SNX9: variants seen among roughly 807,000 people sequenced by gnomAD.
The protein encoded by SNX9 is sorting nexin-9.
In SNX9, 44 loss-of-function variants were observed where a neutral mutation model predicts 89.4. That is an observed-to-expected ratio of 0.49 (90% CI 0.39 to 0.63). The LOEUF (loss-of-function observed/expected upper bound fraction) is 0.63. Ranked by LOEUF, SNX9 falls within the 30% of genes least tolerant of loss-of-function variation. The pLI is 0.00. For missense variants in SNX9, 578 were observed against 736.1 expected, an observed-to-expected ratio of 0.79 and a Z score of 2.49; for synonymous variants, 236 against 247.8, an observed-to-expected ratio of 0.95 and a Z score of 0.45.
chr6:157,841,015 T>G (rs992291888), intron 1 of SNX9, among the ~76,000 whole-genome samples: 2 of 152,180 alleles, frequency 1.3e-5, no homozygotes, highest in Non-Finnish European at 1.5e-5. Flanking sequence ...TCTCTTCCGA[T>G]GAGGGTCACT....
intron 1 of SNX9, among the ~76,000 whole-genome samples, chr6:157,846,300 A>T (rs893440187): frequency 6.6e-6 from 1 of 152,242 alleles, no homozygotes; most frequent in African/African-American, 2.4e-5. Context: ...CCATATCCTT[A>T]AGCCTACATT....
intron 4 of SNX9, among the ~76,000 whole-genome samples, chr6:157,878,165 T>C (rs538198189): frequency 6.6e-6 from 1 of 152,220 alleles, no homozygotes; most frequent in African/African-American, 2.4e-5. Context: ...GTTGCTGGTG[T>C]CAAGGCAGTG....
chr6:157,866,828 GTCTC>G (rs1318148480), intron 1 of SNX9, among the ~76,000 whole-genome samples: 1 of 152,206 alleles, frequency 6.6e-6, no homozygotes, highest in Non-Finnish European at 1.5e-5. Context: ...GTGTGTGTAT[GTCTC>G]TGTCTTCAGT....
In SNX9 at chr6:157,843,332, A is replaced by G. The variant is rs1003926584; in HGVS notation, c.12+19886A>G. On this transcript the variant is annotated intron_variant, in intron 1 of 17. Coordinates refer to ENST00000392185, the MANE Select transcript of SNX9 (RefSeq NM_016224.5). The stretch of plus-strand genomic sequence containing the variant: ...TCGACTCCCCCAAAACTTAACTACT[A>G]ATAGCCTGCTGTTGACTGGAAGCCT... 3.3e-5 allele frequency among the ~76,000 whole-genome samples: 5 copies of G among 152,190 alleles called. No homozygotes were observed. In the East Asian group the frequency reaches 9.6e-4, roughly 29 times the overall value.
At chr6:157,847,880 T>C (rs1781834622) in intron 1 of SNX9, among the ~76,000 whole-genome samples, 1 of 152,256 alleles carries the variant, frequency 6.6e-6, no homozygotes, top group African/African-American at 2.4e-5. Context: ...ACTCTCTTGG[T>C]AAATGTACCT....
At chr6:157,889,564 A>G (rs1782813372) in intron 4 of SNX9, among the ~76,000 whole-genome samples, 2 of 152,236 alleles carry the variant, frequency 1.3e-5, no homozygotes, top group Non-Finnish European at 2.9e-5. Flanking sequence ...ATTTGTGCTG[A>G]AAGTCCCAAG....
In SNX9 at chr6:157,942,796, A is replaced by T; in HGVS notation, c.1746A>T (p.Ala582=). The T allele has an allele frequency of 6.2e-7, 1 of 1,614,094 alleles. No homozygotes were observed. Among genetic ancestry groups the T allele is most frequent in the Non-Finnish European group, 8.5e-7 (1 of 1,179,972 alleles). ...TTGTTTTGCTTTCTTGTCAGATTGC[A>T]GAAAAGCTGAGGCAGGCCCTCAGCC... ...EQQVQFYETI[A]EKLRQALSRF... The change falls in exon 18 of 18, where the codon GCA becomes GCT. Residue 582 remains alanine (A), a synonymous_variant. Coordinates refer to ENST00000392185, the MANE Select transcript of SNX9 (RefSeq NM_016224.5).
In SNX9 at chr6:157,940,983, G is replaced by T. The variant is rs1271560001; in HGVS notation, c.1740+9G>T. 1 of 1,612,566 alleles carries T rather than the reference G, an allele frequency of 6.2e-7. No individual in the cohort carries two copies. Among genetic ancestry groups the T allele is most frequent in the Admixed American group, 1.7e-5 (1 of 60,004 alleles). On this transcript the variant is annotated intron_variant, in intron 17 of 17. Coordinates refer to ENST00000392185, the MANE Select transcript of SNX9 (RefSeq NM_016224.5). ...TGCAATTTTACGAAACGGTGAGTGG[G>T]CGTCCACGTGCCTTTCGCATGTGCT...
At chr6:157,937,351 A>G in intron 14 of SNX9, 83 bp from the exon 15 acceptor site, 1 of 933,152 alleles carries the variant, frequency 1.1e-6, no homozygotes, top group South Asian at 1.5e-5. Context: ...TGCAGGATTT[A>G]TAGTCTTTGG....
intron 1 of SNX9, among the ~76,000 whole-genome samples, chr6:157,827,721 TTAG>T (rs1347608846): frequency 6.6e-6 from 1 of 150,658 alleles, no homozygotes; most frequent in East Asian, 1.9e-4. Context: ...AAGAAAATTG[TTAG>T]TGGAGGTTAA....
At chr6:157,928,735 T>C in intron 12 of SNX9, 33 bp downstream of exon 12, 1 of 1,492,156 alleles carries the variant, frequency 6.7e-7, no homozygotes, top group Non-Finnish European at 9.0e-7. Context: ...ACTGGGCTCG[T>C]AGGGGGTGAT....
chr6:157,873,007 T>C (rs1782445181), intron 2 of SNX9, 95 bp from the exon 3 acceptor site: 1 of 916,032 alleles, frequency 1.1e-6, no homozygotes, highest in Non-Finnish European at 1.5e-6. Flanking sequence ...TGTTAATTGC[T>C]TTTTTTATGT....
At position 157,928,757 on chromosome 6, in the gene SNX9, T is replaced by G. The variant is rs9364698; in HGVS notation, c.1288+55T>G. On this transcript the variant is annotated intron_variant, in intron 12 of 17. Transcript: ENST00000392185. ...TCGTAGGGGGTGATGCAGGCTCAGT[T>G]TTATGTCCCTTATCATAGAGGGGAA... The G allele has an allele frequency of 2.8e-4, 382 of 1,347,090 alleles. 2 individuals carry two copies. The East Asian group carries it at 8.0e-3, about 28-fold the overall frequency. The allele number at this position is 1,347,090 out of a possible 1,614,324, so 83.4% of individuals were successfully genotyped here.
At chr6:157,836,040 T>TAGAA (rs1781575792) in intron 1 of SNX9, among the ~76,000 whole-genome samples, 1 of 152,190 alleles carries the variant, frequency 6.6e-6, no homozygotes, top group South Asian at 2.1e-4. Context: ...CAAGCAATCC[T>TAGAA]TCTGCCTCAG....
Position 157,937,270 on chromosome 6 carries a change from A to T in SNX9, c.1444-164A>T, listed in dbSNP as rs189391402. Among the ~76,000 whole-genome samples the T allele has an allele frequency of 5.3e-5, 8 of 152,350 alleles. No individual in the cohort carries two copies. In the East Asian group the frequency reaches 1.5e-3, roughly 29 times the overall value. On this transcript the variant is annotated intron_variant, in intron 14 of 17. Coordinates refer to ENST00000392185, the MANE Select transcript of SNX9 (RefSeq NM_016224.5). ...TACAACATATGATTCAAAGTATGGC[A>T]GTCTTGGGAGTTATTTTCTTTTAGA...
At chr6:157,844,211 G>A (rs1355156870) in intron 1 of SNX9, among the ~76,000 whole-genome samples, 10 of 152,150 alleles carry the variant, frequency 6.6e-5, no homozygotes, top group Middle Eastern at 3.4e-3. Flanking sequence ...CAGGACAAGC[G>A]GAATTGCAAT....
chr6:157,885,565 A>T (rs1562605005), intron 4 of SNX9, among the ~76,000 whole-genome samples: 1 of 152,182 alleles, frequency 6.6e-6, no homozygotes, highest in Non-Finnish European at 1.5e-5. Flanking sequence ...ATCAGATATT[A>T]TTTGCTTTCT....
At chr6:157,857,075 A>C (rs576815783) in intron 1 of SNX9, among the ~76,000 whole-genome samples, 1 of 152,324 alleles carries the variant, frequency 6.6e-6, no homozygotes, top group East Asian at 1.9e-4. Context: ...AGTTGTCAAA[A>C]TGAATTCATT....
Position 157,823,379 on chromosome 6 carries a change from A to C in SNX9, c.-56A>C. The C allele has an allele frequency of 1.6e-6, 2 of 1,266,694 alleles. No individual in the cohort carries two copies. Among genetic ancestry groups the C allele is most frequent in the Non-Finnish European group, 2.0e-6 (2 of 998,228 alleles). 78.5% of individuals were successfully genotyped at this position (1,266,694 alleles called of 1,614,324 possible). A position where few individuals can be genotyped will look rare whatever the true frequency, so the allele number is the denominator to read the frequency against. ...GCCTTTGCCTGCGCGGCTCAGAATCACCATCCGCGGCGCGGGAGACGAGCC... is the reference window on the plus strand; with the variant it reads ...GCCTTTGCCTGCGCGGCTCAGAATCCCCATCCGCGGCGCGGGAGACGAGCC... On this transcript the variant is annotated 5_prime_UTR_variant, in exon 1 of 18. Transcript: ENST00000392185. This position sits in a 1 kb window ranked among gnomAD's most constrained non-coding sequence, Gnocchi z 4.6.
Sources: gnomAD v4.1 joint callset for allele counts (sites outside exome capture counted in the v4.1 genomes callset) on GRCh38, gnomAD v4.1.1 for gene constraint, Gnocchi (gnomAD v3.1) non-coding constraint, MANE v1.5 for transcripts, NCBI Gene and HGNC (gene_info 2026-07-23, HGNC 2026-07-21) for gene names.